Variants in NLGN1 observed in about 807,000 individuals in gnomAD.
The protein encoded by NLGN1 is neuroligin-1.
A neutral mutation model predicts 65.5 loss-of-function variants in NLGN1; 12 were observed. That is an observed-to-expected ratio of 0.18 (90% CI 0.12 to 0.30). The LOEUF (loss-of-function observed/expected upper bound fraction) is 0.30. Ranked by LOEUF, NLGN1 falls within the 10% of genes least tolerant of loss-of-function variation. The probability of loss-of-function intolerance (pLI) is 1.00; values close to 1 mark genes in which losing one functional copy is unlikely to be tolerated. For missense variants in NLGN1, 750 were observed against 1,007.1 expected, an observed-to-expected ratio of 0.74 and a Z score of 3.46; for synonymous variants, 350 against 359.5, an observed-to-expected ratio of 0.97 and a Z score of 0.30.
intron 2 of NLGN1, among the ~76,000 whole-genome samples, chr3:173,539,088 G>T (rs1477198704): frequency 1.3e-5 from 2 of 152,034 alleles, no homozygotes; most frequent in Non-Finnish European, 2.9e-5. Flanking sequence ...TCTGCCCACT[G>T]GGAGGATTTC....
intron 2 of NLGN1, among the ~76,000 whole-genome samples, chr3:173,506,880 CTA>C (rs1324028665): frequency 1.4e-3 from 214 of 152,166 alleles, no homozygotes; most frequent in African/African-American, 4.8e-3. Context: ...GGAGGAGACT[CTA>C]GTTTTTAAAA....
chr3:174,257,147 A>G (rs946912425), intron 4 of NLGN1, among the ~76,000 whole-genome samples: 1 of 152,214 alleles, frequency 6.6e-6, no homozygotes, highest in Non-Finnish European at 1.5e-5. Context: ...CAACAAACAT[A>G]TATAAAAAAG....
chr3:174,233,202 G>T (rs1741046261), intron 4 of NLGN1, among the ~76,000 whole-genome samples: 1 of 152,034 alleles, frequency 6.6e-6, no homozygotes, highest in Non-Finnish European at 1.5e-5. Flanking sequence ...AGTTCAAGGT[G>T]CCAGGCACAG....
chr3:173,520,634 C>A (rs898291443), intron 2 of NLGN1, among the ~76,000 whole-genome samples: 44 of 152,222 alleles, frequency 2.9e-4, no homozygotes, highest in Non-Finnish European at 3.7e-4. Flanking sequence ...GCCAGCATAA[C>A]CTAGAATGTT....
At chr3:173,595,899 G>C (rs1358469591) in intron 2 of NLGN1, among the ~76,000 whole-genome samples, 1 of 152,188 alleles carries the variant, frequency 6.6e-6, no homozygotes, top group Non-Finnish European at 1.5e-5. Context: ...CCACCCCCAT[G>C]ATTCAAATTA....
intron 4 of NLGN1, among the ~76,000 whole-genome samples, chr3:174,149,098 A>C (rs1723866883): frequency 1.3e-5 from 2 of 152,194 alleles, no homozygotes; most frequent in Admixed American, 6.5e-5. Flanking sequence ...GTAGAAAAGA[A>C]GTTCCTAAGG....
intron 3 of NLGN1, among the ~76,000 whole-genome samples, chr3:173,788,166 A>AT (rs1325235075): frequency 1.7e-5 from 2 of 115,852 alleles, no homozygotes; most frequent in African/African-American, 6.7e-5. Context: ...AATTTTCTGT[A>AT]TTTTTTTTCT....
intron 2 of NLGN1, among the ~76,000 whole-genome samples, chr3:173,457,908 G>A (rs1033602894): frequency 1.3e-5 from 2 of 152,104 alleles, no homozygotes; most frequent in South Asian, 2.1e-4. Flanking sequence ...TGTGTGTGGT[G>A]TGTGTAATAG....
At chr3:174,121,731 C>G (rs1348499994) in intron 4 of NLGN1, among the ~76,000 whole-genome samples, 1 of 152,140 alleles carries the variant, frequency 6.6e-6, no homozygotes, top group Non-Finnish European at 1.5e-5. Context: ...TCTTATACCT[C>G]CGGTAGCTTA....
intron 4 of NLGN1, among the ~76,000 whole-genome samples, chr3:174,042,707 T>A (rs1019137199): frequency 6.6e-6 from 1 of 152,318 alleles, no homozygotes; most frequent in African/African-American, 2.4e-5. Flanking sequence ...CTCTATTAAA[T>A]AAACTTTTTT....
chr3:173,487,259 AT>A (rs1728318171), intron 2 of NLGN1, among the ~76,000 whole-genome samples: 1 of 151,886 alleles, frequency 6.6e-6, no homozygotes, highest in Non-Finnish European at 1.5e-5. Flanking sequence ...TAAGCCATCT[AT>A]TTTTAAAGGG....
chr3:174,160,103 TAC>T (rs149811372), intron 4 of NLGN1, among the ~76,000 whole-genome samples: 4 of 150,760 alleles, frequency 2.7e-5, no homozygotes, highest in Non-Finnish European at 4.5e-5. Flanking sequence ...CACAAACACA[TAC>T]ACACACACAC....
intron 4 of NLGN1, among the ~76,000 whole-genome samples, chr3:174,131,174 T>C (rs1193268688): frequency 3.9e-5 from 6 of 152,206 alleles, no homozygotes; most frequent in African/African-American, 7.2e-5. Flanking sequence ...TCTCCAAGGC[T>C]AATGTACGAA....
rs141378890 is a variant in NLGN1, at chr3:174,072,495, T to C, written c.647-202820T>C. Among the ~76,000 whole-genome samples the C allele has an allele frequency of 1.2e-3, 186 of 152,182 alleles. 6 individuals are homozygous for C. The East Asian group carries it at 0.035, about 28-fold the overall frequency. Reference sequence around the variant, plus strand: ...ATTGGAAAATATAGACTCAGGAGTTTTATGTGAATAAAACCATGAAAGTGT... The same window carrying C: ...ATTGGAAAATATAGACTCAGGAGTTCTATGTGAATAAAACCATGAAAGTGT... On this transcript the variant is annotated intron_variant, in intron 4 of 6. Coordinates refer to ENST00000457714, the Ensembl canonical transcript of NLGN1.
At chr3:173,918,698 GTGTGTATATATA>G (rs1312675103) in intron 4 of NLGN1, among the ~76,000 whole-genome samples, 15 of 102,546 alleles carry the variant, frequency 1.5e-4, no homozygotes, top group African/African-American at 5.0e-4. Context: ...GTGTGTGTGT[GTGTGTATATATA>G]TATATTGCAT....
At chr3:173,781,193 A>C (rs920819406) in intron 3 of NLGN1, among the ~76,000 whole-genome samples, 2 of 151,724 alleles carry the variant, frequency 1.3e-5, no homozygotes, top group African/African-American at 4.8e-5. Flanking sequence ...AAAAGTAAAA[A>C]TCCAACCCAT....
rs144058611 is a variant in NLGN1 at position 173,416,013 on chromosome 3, A to G, written c.-390+17526A>G. 7.8e-3 allele frequency among the ~76,000 whole-genome samples: 1,192 copies of G among 151,924 alleles called. 19 individuals are homozygous for G. Among genetic ancestry groups the G allele is most frequent in the African/African-American group, 0.027 (1,122 of 41,386 alleles). The stretch of plus-strand genomic sequence containing the variant: ...TGAATATTAGCTATTACCAGGTGTG[A>G]TTATTGGTTGACACCACTGAGTTTA... On this transcript the variant is annotated intron_variant, in intron 1 of 6. Transcript: ENST00000457714.
At chr3:173,869,344 G>A (rs1409318545) in intron 4 of NLGN1, among the ~76,000 whole-genome samples, 2 of 152,048 alleles carry the variant, frequency 1.3e-5, no homozygotes, top group Non-Finnish European at 2.9e-5. Flanking sequence ...TAAAATATTA[G>A]TAAAGAGATC....
At chr3:173,759,830 T>C (rs1266937695) in intron 3 of NLGN1, among the ~76,000 whole-genome samples, 1 of 151,956 alleles carries the variant, frequency 6.6e-6, no homozygotes, top group Admixed American at 6.6e-5. Context: ...ATCTGCATTA[T>C]TTTTATTTTT....
Sources: gnomAD v4.1 joint callset for allele counts (sites outside exome capture counted in the v4.1 genomes callset) on GRCh38, gnomAD v4.1.1 for gene constraint, MANE v1.5 for transcripts, NCBI Gene and HGNC (gene_info 2026-07-23, HGNC 2026-07-21) for gene names.